Variants in PIAS2 observed in about 807,000 individuals in gnomAD.
PIAS2 encodes the protein protein inhibitor of activated STAT 2.
In PIAS2, 19 loss-of-function variants were observed where a neutral mutation model predicts 69.7. The observed-to-expected ratio is 0.27, with a 90% confidence interval of 0.19 to 0.40. The LOEUF is 0.40. Ranked by LOEUF, PIAS2 falls within the 10% of genes least tolerant of loss-of-function variation. The pLI is 1.00. For synonymous variants in PIAS2, 261 were observed against 263.2 expected, an observed-to-expected ratio of 0.99 and a Z score of 0.08; for missense variants, 624 against 757.0, an observed-to-expected ratio of 0.82 and a Z score of 2.06.
At chr18:46,868,396 C>A (rs781127528) in intron 2 of PIAS2, among the ~76,000 whole-genome samples, 14 of 152,204 alleles carry the variant, frequency 9.2e-5, no homozygotes, top group Non-Finnish European at 1.9e-4. Context: ...TAAGCTCCCC[C>A]TCTTGCTGAG....
chr18:46,853,949 C>T lies in PIAS2; in HGVS notation c.726+1396G>A, dbSNP rs1302546938. On this transcript the variant is annotated intron_variant, in intron 5 of 13. Transcript: ENST00000585916. ...TACCTACTCAGCCTCTGCAATTCCC[C>T]TTCACTCCCAGGACTGTCTCAATGG... 5 of 152,380 alleles carry T rather than the reference C, an allele frequency of 3.3e-5. No homozygotes were observed. The East Asian group carries it at 9.6e-4, about 29-fold the overall frequency. The allele number at this position is 152,380 out of a possible 1,614,324, so 9.4% of individuals were successfully genotyped here.
chr18:46,815,190 TTTCC>T, intron 13 of PIAS2, 118 bp downstream of exon 13: 1 of 753,774 alleles, frequency 1.3e-6, no homozygotes, highest in Non-Finnish European at 2.3e-6. Context: ...CAGTACTTCC[TTTCC>T]ATCAATGTAA....
intron 2 of PIAS2, among the ~76,000 whole-genome samples, chr18:46,884,205 G>C (rs945018749): frequency 3.3e-5 from 5 of 152,054 alleles, no homozygotes; most frequent in Non-Finnish European, 5.9e-5. Context: ...TCATTCCCTT[G>C]AATCTTTATA....
intron 2 of PIAS2, among the ~76,000 whole-genome samples, chr18:46,866,343 G>A (rs1173844589): frequency 2.0e-5 from 3 of 152,138 alleles, no homozygotes; most frequent in African/African-American, 7.2e-5. Flanking sequence ...GCAAATCAAG[G>A]CCAACTTCTC....
intron 3 of PIAS2, among the ~76,000 whole-genome samples, chr18:46,863,510 G>A (rs2048977746): frequency 6.6e-6 from 1 of 151,904 alleles, no homozygotes; most frequent in African/African-American, 2.4e-5. Flanking sequence ...TGTTGCCCAG[G>A]CTGGTCTGAA....
intron 1 of PIAS2, among the ~76,000 whole-genome samples, chr18:46,898,672 A>G (rs561993761): frequency 5.5e-4 from 84 of 152,314 alleles, no homozygotes; most frequent in African/African-American, 2.0e-3. Flanking sequence ...AAATTTTGCA[A>G]GAGGTACATT....
intron 2 of PIAS2, among the ~76,000 whole-genome samples, chr18:46,883,676 A>C (rs1291385596): frequency 1.3e-5 from 2 of 151,952 alleles, no homozygotes; most frequent in African/African-American, 4.8e-5. Context: ...TCATATCTAC[A>C]AAAAAATACA....
At chr18:46,891,106 A>T in intron 1 of PIAS2, 52 bp from the exon 2 acceptor site, 1 of 1,255,612 alleles carries the variant, frequency 8.0e-7, no homozygotes, top group Non-Finnish European at 1.1e-6. Context: ...AGCATACAAA[A>T]ATCCTATCTA....
chr18:46,837,868 C>T (rs1456427217), intron 8 of PIAS2, among the ~76,000 whole-genome samples: 3 of 152,236 alleles, frequency 2.0e-5, no homozygotes, highest in East Asian at 1.9e-4. Context: ...TCCAAAAAGA[C>T]GGTCTAGATC....
Position 46,861,201 on chromosome 18 carries a change from T to C in PIAS2, c.584+2963A>G, listed in dbSNP as rs910273836. ...TTACAGTGAGCCGAGATTGTGCCAC[T>C]GCACTCCAACCTGGGCGACGGAGTG... On this transcript the variant is annotated intron_variant, in intron 3 of 13. Coordinates refer to ENST00000585916, the MANE Select transcript of PIAS2 (RefSeq NM_004671.5). Among the ~76,000 whole-genome samples, 3 of 152,104 alleles carry C rather than the reference T, an allele frequency of 2.0e-5. 1 individual carries two copies. The highest frequency in any genetic ancestry group is 7.2e-5 in the African/African-American group (3 of 41,412).
intron 2 of PIAS2, among the ~76,000 whole-genome samples, chr18:46,873,493 T>C (rs2050688908): frequency 6.6e-6 from 1 of 152,140 alleles, no homozygotes; most frequent in African/African-American, 2.4e-5. Flanking sequence ...CTTGCAGAAG[T>C]AGAGTCAGGA....
intron 1 of PIAS2, chr18:46,916,979 G>C: frequency 1.0e-6 from 1 of 986,002 alleles, no homozygotes; most frequent in Non-Finnish European, 1.2e-6. Context: ...AAGATCAAAC[G>C]TTGCTTCCCA....
At chr18:46,911,793 C>T (rs534887460) in intron 1 of PIAS2, among the ~76,000 whole-genome samples, 1 of 152,334 alleles carries the variant, frequency 6.6e-6, no homozygotes. Flanking sequence ...TGCCTGTAAT[C>T]CCACCACTTT....
intron 2 of PIAS2, among the ~76,000 whole-genome samples, chr18:46,865,992 C>T (rs1255349296): frequency 2.6e-5 from 4 of 152,084 alleles, no homozygotes; most frequent in African/African-American, 9.7e-5. Flanking sequence ...AATGTAATAA[C>T]GTGTATTTTG....
intron 1 of PIAS2, among the ~76,000 whole-genome samples, chr18:46,912,480 G>T (rs1269296911): frequency 1.3e-5 from 2 of 152,106 alleles, no homozygotes; most frequent in East Asian, 1.9e-4. Context: ...TCCAAGGTTG[G>T]TTGAAACCAA....
intron 1 of PIAS2, among the ~76,000 whole-genome samples, chr18:46,900,035 G>A (rs72915064): frequency 6.6e-6 from 1 of 152,180 alleles, no homozygotes; most frequent in Non-Finnish European, 1.5e-5. Flanking sequence ...TTTGAGATCA[G>A]TCTGGTCAAC....
intron 1 of PIAS2, among the ~76,000 whole-genome samples, chr18:46,900,757 C>CG: frequency 6.6e-6 from 1 of 151,488 alleles, no homozygotes; most frequent in South Asian, 2.1e-4. Flanking sequence ...GGGTGAATCA[C>CG]GAGGTCAGGC....
intron 1 of PIAS2, among the ~76,000 whole-genome samples, chr18:46,913,262 G>A (rs2057455182): frequency 6.6e-6 from 1 of 152,166 alleles, no homozygotes; most frequent in African/African-American, 2.4e-5. Context: ...CCTGGTAGGT[G>A]TAAGGAAACC....
intron 2 of PIAS2, among the ~76,000 whole-genome samples, chr18:46,870,766 G>A (rs537025609): frequency 4.3e-4 from 65 of 152,230 alleles, no homozygotes; most frequent in African/African-American, 1.4e-3. Context: ...CTTTTCAGGG[G>A]AAGAAAGAAG....
Sources: allele counts gnomAD v4.1 joint callset (sites outside exome capture counted in the v4.1 genomes callset), GRCh38; gene constraint gnomAD v4.1.1; transcripts MANE v1.5; gene names NCBI Gene and HGNC (gene_info 2026-07-23, HGNC 2026-07-21).